The following ADAMTS10 variants were observed in gnomAD, a reference collection of about 807,000 sequenced individuals.
The protein encoded by ADAMTS10 is A disintegrin and metalloproteinase with thrombospondin motifs 10.
In ADAMTS10, 48 loss-of-function variants were observed where a neutral mutation model predicts 135.9. The ratio of observed to expected loss-of-function variants is 0.35; its 90% confidence interval spans 0.28 to 0.45. The LOEUF (loss-of-function observed/expected upper bound fraction) is 0.45. Among genes scored for constraint, ADAMTS10 ranks in the 20% least tolerant of loss-of-function variants. ADAMTS10 has a pLI of 1.00. For missense variants in ADAMTS10, 1,131 were observed against 1,565.2 expected, an observed-to-expected ratio of 0.72 and a Z score of 4.68; for synonymous variants, 621 against 647.5, an observed-to-expected ratio of 0.96 and a Z score of 0.62.
In ADAMTS10 at chr19:8,585,483, C is replaced by T. The variant is rs1166379896; in HGVS notation, c.2838G>A (p.Pro946=). The T allele has an allele frequency of 1.0e-5, 16 of 1,537,526 alleles. No individual in the cohort carries two copies. The highest frequency in any genetic ancestry group is 7.9e-5 in the Admixed American group (4 of 50,534). Residue 946 remains proline, a synonymous_variant, in exon 23 of 26, where the codon CCG becomes CCA. Coordinates refer to ENST00000597188, the MANE Select transcript of ADAMTS10 (RefSeq NM_030957.4). The part of the protein sequence containing the change: ...LEACHGPTCP[P]EWAALDWSEC... ...CAGACCAGTCGAGGGCCGCCCACTC[C>T]GGAGGGCAAGTGGGGCCGTGGCAGG...
Position 8,605,748 on chromosome 19 carries a change from C to G in ADAMTS10, c.-38G>C. ...TCCACATGTCTCTCCCCAGCCCCGG[C>G]TGCCGGCAGCCCCCACAGTGCCGCC... is the stretch of plus-strand genomic sequence containing the variant. On this transcript the variant is annotated 5_prime_UTR_variant, in exon 3 of 26. Transcript: ENST00000597188. This position sits in a 1 kb window ranked among gnomAD's most constrained non-coding sequence, Gnocchi z 7.7. 6.4e-7 allele frequency: 1 copy of G among 1,570,272 alleles called. No homozygotes were observed. Among genetic ancestry groups the G allele is most frequent in the Non-Finnish European group, 8.6e-7 (1 of 1,161,328 alleles).
At position 8,585,280 on chromosome 19, in the gene ADAMTS10, C is replaced by T. The variant is rs540077192; in HGVS notation, c.2894G>A (p.Arg965His). The change falls in exon 24 of 26, where the codon CGC becomes CAC. Residue 965 changes from arginine (R) to histidine (H), a missense_variant. By Grantham distance (29) the Arg-to-His change is conservative. This residue lies in a region of ADAMTS10 where 745 missense variants were observed against 1,056.3 expected (regional missense o/e 0.71). Coordinates refer to ENST00000597188, the MANE Select transcript of ADAMTS10 (RefSeq NM_030957.4). ...GCTCTTGCAAAGGACCACGCGGTGG[C>T]GGAGGCCCGGCCCGCAGCTGGGGGT... ...ECTPSCGPGL[R>H]HRVVLCKSAD... 1.1e-5 allele frequency: 17 copies of T among 1,514,408 alleles called. No homozygotes were observed. In the South Asian group the frequency reaches 1.6e-4, roughly 14 times the overall value. The allele number at this position is 1,514,408 out of a possible 1,614,324, so 93.8% of individuals were successfully genotyped here.
intron 2 of ADAMTS10, among the ~76,000 whole-genome samples, chr19:8,606,249 A>G (rs899809646): frequency 2.0e-5 from 3 of 152,022 alleles, no homozygotes; most frequent in Non-Finnish European, 2.9e-5. Flanking sequence ...TTTTGGAGAG[A>G]CGGGGGTCTC....
At chr19:8,592,255 C>A in intron 13 of ADAMTS10, 152 bp from the exon 14 acceptor site, 2 of 1,443,922 alleles carry the variant, frequency 1.4e-6, no homozygotes, top group Non-Finnish European at 1.9e-6. Flanking sequence ...AGTCAGGTTA[C>A]GTAGGAGAGT....
intron 6 of ADAMTS10, among the ~76,000 whole-genome samples, chr19:8,598,663 C>T (rs1200569143): frequency 2.0e-5 from 3 of 150,120 alleles, no homozygotes; most frequent in African/African-American, 7.4e-5. Context: ...TCACCTCCAC[C>T]TCCCGGGTTC....
intron 15 of ADAMTS10, among the ~76,000 whole-genome samples, chr19:8,591,442 GTTT>G (rs375476762): frequency 3.1e-5 from 4 of 130,382 alleles, no homozygotes; most frequent in Non-Finnish European, 6.7e-5. Context: ...TAGCGTTTTT[GTTT>G]TTTTTTTTTT....
intron 23 of ADAMTS10, 46 bp downstream of exon 23, chr19:8,585,410 C>A (rs1321186778): frequency 4.6e-6 from 7 of 1,536,998 alleles, no homozygotes; most frequent in Admixed American, 3.9e-5. Flanking sequence ...TCCGTGGACA[C>A]CCCACCTGGG....
In ADAMTS10 at chr19:8,580,827, G is replaced by A. The variant is rs918613029; in HGVS notation, c.*66C>T. On this transcript the variant is annotated 3_prime_UTR_variant, in exon 26 of 26. Transcript: ENST00000597188. ...TTCCCGCCCCCCCGGGGCCCCCTCTGGCCGGCCCGCTGCAGGGCTGGCGGC... is the reference window on the plus strand; with the variant it reads ...TTCCCGCCCCCCCGGGGCCCCCTCTAGCCGGCCCGCTGCAGGGCTGGCGGC... 1 of 1,372,686 alleles carries A rather than the reference G, an allele frequency of 7.3e-7. No homozygotes were observed. The highest frequency in any genetic ancestry group is 1.0e-6 in the Non-Finnish European group (1 of 994,042). 85.0% of individuals were successfully genotyped at this position (1,372,686 alleles called of 1,614,324 possible).
At position 8,605,055 on chromosome 19, in the gene ADAMTS10, T is replaced by C; in HGVS notation, c.392A>G (p.Gln131Arg). The change falls in exon 4 of 26, where the codon CAG becomes CGG. Residue 131 changes from glutamine to arginine, a missense_variant. Physicochemically the swap from Gln to Arg is conservative, Grantham distance 43. This residue lies in a region of ADAMTS10 where 306 missense variants were observed against 344.4 expected (regional missense o/e 0.89). Transcript: ENST00000597188. This position sits in a 1 kb window ranked among gnomAD's most constrained non-coding sequence, Gnocchi z 7.7. Reference sequence around the variant, plus strand: ...GATGGCCACATGGGAGCTGCTGGCCTGGCCCTGCAGGTGACCAGCGTAGAG... The same window carrying C: ...GATGGCCACATGGGAGCTGCTGGCCCGGCCCTGCAGGTGACCAGCGTAGAG... ...HCLYAGHLQG[Q>R]ASSSHVAIST... is the part of the protein sequence containing the mutation. The C allele has an allele frequency of 1.9e-6, 3 of 1,611,398 alleles. No individual in the cohort carries two copies. In the South Asian group the frequency reaches 3.3e-5, roughly 18 times the overall value.
intron 6 of ADAMTS10, among the ~76,000 whole-genome samples, chr19:8,600,505 T>TTTTC (rs2042652865): frequency 7.5e-6 from 1 of 133,836 alleles, no homozygotes; most frequent in Non-Finnish European, 1.5e-5. Context: ...CTTTTCTTTT[T>TTTTC]TTTTTTTTTT....
chr19:8,584,572 T>C (rs1555736362), intron 25 of ADAMTS10, among the ~76,000 whole-genome samples: 1 of 152,196 alleles, frequency 6.6e-6, no homozygotes, highest in African/African-American at 2.4e-5. Context: ...CACTAGTGCC[T>C]GAGGTTGAAA....
At position 8,596,449 on chromosome 19, in the gene ADAMTS10, CT is replaced by C; in HGVS notation, c.1085-38del. On this transcript the variant is annotated intron_variant, in intron 9 of 25. Coordinates refer to ENST00000597188, the MANE Select transcript of ADAMTS10 (RefSeq NM_030957.4). The surrounding 1 kb of genome is among the most constrained non-coding windows in gnomAD (Gnocchi z 7.2). ...GACATGTGGGGATGGGGCTGGGAGG[CT>C]CAGGACGGTGCTGGCTGGCCCCATC... 8.1e-6 allele frequency: 13 copies of C among 1,613,374 alleles called. No individual in the cohort carries two copies. Among genetic ancestry groups the C allele is most frequent in the Non-Finnish European group, 1.1e-5 (13 of 1,179,544 alleles).
At position 8,605,686 on chromosome 19, in the gene ADAMTS10, G is replaced by A. The variant is rs781837913; in HGVS notation, c.25C>T (p.Arg9Cys). Residue 9 changes from arginine (R) to cysteine (C), a missense_variant, in exon 3 of 26, where the codon CGC becomes TGC. Transcript: ENST00000597188. The surrounding 1 kb of genome is among the most constrained non-coding windows in gnomAD (Gnocchi z 7.7). ...CCCAGCCCCAGGGCGAGGGCCCAGCGGAGGATCTGGCAGGCGGGAGCCATA... is the reference window on the plus strand; with the variant it reads ...CCCAGCCCCAGGGCGAGGGCCCAGCAGAGGATCTGGCAGGCGGGAGCCATA... MAPACQIL[R>C]WALALGLGLM... 24 of 1,612,102 alleles carry A rather than the reference G, an allele frequency of 1.5e-5. No individual in the cohort carries two copies. The highest frequency in any genetic ancestry group is 1.1e-4 in the East Asian group (5 of 44,840).
Position 8,595,819 on chromosome 19 carries a change from A to G in ADAMTS10, c.1422T>C (p.Asp474=). ...GCTGAAAGCGGCATTGCTCATCTGC[A>G]TCGTAGGCTTGGCCCGGTGCCACTG... The part of the protein sequence containing the change: ...YPTVAPGQAY[D]ADEQCRFQHG... The change falls in exon 12 of 26, where the codon GAT becomes GAC. Residue 474 remains aspartate (D), a synonymous_variant. Coordinates refer to ENST00000597188, the MANE Select transcript of ADAMTS10 (RefSeq NM_030957.4). 1 of 1,614,066 alleles carries G rather than the reference A, an allele frequency of 6.2e-7. No individual in the cohort carries two copies.
At chr19:8,606,066 G>A (rs2042718971) in intron 2 of ADAMTS10, among the ~76,000 whole-genome samples, 1 of 152,144 alleles carries the variant, frequency 6.6e-6, no homozygotes, top group African/African-American at 2.4e-5. Flanking sequence ...CTGCATTTCT[G>A]TTCTTTTGTT....
At chr19:8,587,917 C>T (rs1375281483) in intron 18 of ADAMTS10, among the ~76,000 whole-genome samples, 3 of 125,184 alleles carry the variant, frequency 2.4e-5, no homozygotes, top group Non-Finnish European at 3.2e-5. Context: ...TGTGACAGAG[C>T]GAGACCCCAT....
intron 15 of ADAMTS10, among the ~76,000 whole-genome samples, chr19:8,591,564 C>T (rs1286597726): frequency 5.3e-5 from 8 of 151,810 alleles, no homozygotes; most frequent in Non-Finnish European, 1.2e-4. Flanking sequence ...GCCTCAGCCT[C>T]CCGAGTAGCT....
rs1555742308 is a variant in ADAMTS10, at chr19:8,605,241, C to A, written c.206G>T (p.Gly69Val). ...GAAGAGGCGGGACTCGGCTGTGGCC[C>A]CCGTGCCGCGGCGCTGCCTCCGGGG... Reference protein sequence around the residue: ...PPPRRQRRGTGATAESRLFYK... With the variant: ...PPPRRQRRGTVATAESRLFYK... The change falls in exon 4 of 26, where the codon GGG becomes GTG. Residue 69 changes from glycine to valine, a missense_variant. By Grantham distance (109) the Gly-to-Val change is moderately radical. Coordinates refer to ENST00000597188, the MANE Select transcript of ADAMTS10 (RefSeq NM_030957.4). This position sits in a 1 kb window ranked among gnomAD's most constrained non-coding sequence, Gnocchi z 7.7. The A allele has an allele frequency of 5.6e-6, 9 of 1,613,354 alleles. No homozygotes were observed. In the South Asian group the frequency reaches 9.9e-5, roughly 18 times the overall value.
intron 23 of ADAMTS10, 26 bp downstream of exon 23, chr19:8,585,430 G>A: frequency 6.5e-7 from 1 of 1,536,928 alleles, no homozygotes; most frequent in African/African-American, 1.4e-5. Flanking sequence ...GCATCCCAGT[G>A]GGCGCGAAGG....
Sources: gnomAD v4.1 joint callset for allele counts (sites outside exome capture counted in the v4.1 genomes callset) on GRCh38, gnomAD v4.1.1 for gene constraint, gnomAD v4.1.1 regional missense constraint, Gnocchi (gnomAD v3.1) non-coding constraint, MANE v1.5 for transcripts, NCBI Gene and HGNC (gene_info 2026-07-23, HGNC 2026-07-21) for gene names.